The following FRMD5 variants were observed in gnomAD, a reference collection of about 807,000 sequenced individuals.
FRMD5 encodes FERM domain containing 5.
FRMD5 carries 20 observed loss-of-function variants against 69.0 expected under a neutral mutation model. The ratio of observed to expected loss-of-function variants is 0.29; its 90% CI spans 0.20 to 0.42. The LOEUF (loss-of-function observed/expected upper bound fraction) is 0.42, where lower values mean the gene tolerates loss of function less well. FRMD5 is among the 10% of genes least tolerant of loss of function. The probability of loss-of-function intolerance (pLI) is 1.00; values close to 1 mark genes in which losing one functional copy is unlikely to be tolerated. For missense variants in FRMD5, 595 were observed against 708.6 expected (o/e 0.84, Z 1.82); for synonymous variants, 271 against 260.1 (o/e 1.04, Z -0.40).
chr15:43,962,250 A>C (rs1431141213), intron 1 of FRMD5, among the ~76,000 whole-genome samples: 2 of 152,222 alleles, frequency 1.3e-5, no homozygotes, highest in African/African-American at 4.8e-5. Context: ...AAGCATTCTT[A>C]AACACCAATA....
chr15:43,900,860 G>A (rs1265622093), intron 7 of FRMD5, among the ~76,000 whole-genome samples: 2 of 151,904 alleles, frequency 1.3e-5, no homozygotes, highest in East Asian at 1.9e-4. Context: ...CTTGTGATCC[G>A]CCCACCTTGG....
chr15:43,989,547 TG>T (rs1392605036), intron 1 of FRMD5: 5 of 884,478 alleles, frequency 5.7e-6, no homozygotes, highest in Non-Finnish European at 9.6e-6. Context: ...AGCTTCTCCT[TG>T]ATGTCATGCA....
intron 1 of FRMD5, among the ~76,000 whole-genome samples, chr15:44,057,734 A>G (rs2140367983): frequency 6.6e-6 from 1 of 152,358 alleles, no homozygotes; most frequent in South Asian, 2.1e-4. Flanking sequence ...TAATTTTGCT[A>G]TAATTGGTTC....
chr15:43,917,376 T>C (rs2089409639), intron 4 of FRMD5, among the ~76,000 whole-genome samples: 1 of 152,096 alleles, frequency 6.6e-6, no homozygotes, highest in South Asian at 2.1e-4. Context: ...GCTAGTGGTA[T>C]TTTAACAAAA....
chr15:44,120,280 G>T (rs139961683), intron 1 of FRMD5, among the ~76,000 whole-genome samples: 25 of 152,260 alleles, frequency 1.6e-4, no homozygotes, highest in African/African-American at 5.3e-4. Context: ...ACTGTCTAGA[G>T]GCAGGAAGAT....
At chr15:44,133,145 C>T (rs994600254) in intron 1 of FRMD5, among the ~76,000 whole-genome samples, 6 of 151,380 alleles carry the variant, frequency 4.0e-5, no homozygotes, top group Admixed American at 2.0e-4. Flanking sequence ...ACCAGGGAGT[C>T]GGAGATTGCA....
intron 1 of FRMD5, among the ~76,000 whole-genome samples, chr15:44,167,142 C>T (rs1003572114): frequency 2.0e-5 from 3 of 152,068 alleles, no homozygotes; most frequent in Non-Finnish European, 4.4e-5. Context: ...TATTGGCTGC[C>T]CAGAGCGCTG....
intron 1 of FRMD5, among the ~76,000 whole-genome samples, chr15:43,943,360 G>T (rs756950403): frequency 4.6e-5 from 7 of 152,172 alleles, no homozygotes; most frequent in Non-Finnish European, 1.0e-4. Flanking sequence ...GATTACAGGC[G>T]AGAGCCATTG....
chr15:44,096,520 A>T (rs2076555929), intron 1 of FRMD5, among the ~76,000 whole-genome samples: 1 of 150,844 alleles, frequency 6.6e-6, no homozygotes, highest in Non-Finnish European at 1.5e-5. Context: ...CTCCTACCTC[A>T]GCCTCCTGGG....
At chr15:44,072,741 T>G (rs1426326352) in intron 1 of FRMD5, among the ~76,000 whole-genome samples, 1 of 152,194 alleles carries the variant, frequency 6.6e-6, no homozygotes, top group Non-Finnish European at 1.5e-5. Flanking sequence ...TGGCAAATAT[T>G]GTCCCTTTCA....
intron 13 of FRMD5, among the ~76,000 whole-genome samples, chr15:43,877,667 CTT>C (rs1277601076): frequency 6.6e-6 from 1 of 152,266 alleles, no homozygotes; most frequent in Non-Finnish European, 1.5e-5. Context: ...TCAATCTCTG[CTT>C]TCAGAAGCTC....
At chr15:44,090,795 C>T (rs1474136625) in intron 1 of FRMD5, among the ~76,000 whole-genome samples, 1 of 152,164 alleles carries the variant, frequency 6.6e-6, no homozygotes, top group Non-Finnish European at 1.5e-5. Flanking sequence ...TCTTATAGTA[C>T]TTATTTCCAA....
intron 5 of FRMD5, 136 bp from the exon 6 acceptor site, chr15:43,906,087 G>T: frequency 8.7e-7 from 1 of 1,143,624 alleles, no homozygotes; most frequent in Non-Finnish European, 1.3e-6. Context: ...TCTGAGCACG[G>T]CTGTGGGCTG....
chr15:43,959,657 C>T (rs1047263012), intron 1 of FRMD5, among the ~76,000 whole-genome samples: 33 of 152,322 alleles, frequency 2.2e-4, no homozygotes, highest in African/African-American at 7.7e-4. Context: ...TACTCCATCA[C>T]TCTGTGAATA....
At chr15:43,961,137 C>T (rs1442391459) in intron 1 of FRMD5, among the ~76,000 whole-genome samples, 1 of 151,934 alleles carries the variant, frequency 6.6e-6, no homozygotes, top group African/African-American at 2.4e-5. Flanking sequence ...AAAAGATCAA[C>T]AAAATTGATA....
At chr15:44,135,595 AG>A (rs2077169902) in intron 1 of FRMD5, among the ~76,000 whole-genome samples, 1 of 152,170 alleles carries the variant, frequency 6.6e-6, no homozygotes, top group African/African-American at 2.4e-5. Context: ...TGGGAGGCCA[AG>A]GCAGTGGGGA....
At chr15:44,025,080 T>G (rs983374366) in intron 1 of FRMD5, among the ~76,000 whole-genome samples, 1 of 152,194 alleles carries the variant, frequency 6.6e-6, no homozygotes, top group Non-Finnish European at 1.5e-5. Context: ...TAGTAATACT[T>G]AACTCACAGT....
intron 4 of FRMD5, among the ~76,000 whole-genome samples, chr15:43,910,507 G>A (rs1007343183): frequency 7.1e-6 from 1 of 140,106 alleles, no homozygotes; most frequent in Non-Finnish European, 1.5e-5. Flanking sequence ...GGAATAAAGT[G>A]TAAGAAGAGT....
chr15:43,910,236 C>G (rs1260212333), intron 4 of FRMD5, among the ~76,000 whole-genome samples: 2 of 152,122 alleles, frequency 1.3e-5, no homozygotes, highest in Non-Finnish European at 2.9e-5. Flanking sequence ...ATGGCTGTTT[C>G]CTGGTAAAAG....
Sources: gnomAD v4.1 joint callset for allele counts (sites outside exome capture counted in the v4.1 genomes callset) on GRCh38, gnomAD v4.1.1 for gene constraint, MANE v1.5 for transcripts, NCBI Gene and HGNC (gene_info 2026-07-23, HGNC 2026-07-21) for gene names.